PIK3R3: variants seen among roughly 807,000 people sequenced by gnomAD.
The protein encoded by PIK3R3 is phosphatidylinositol 3-kinase regulatory subunit gamma.
A neutral mutation model predicts 62.9 loss-of-function variants in PIK3R3; 64 were observed. That is an observed-to-expected ratio of 1.02 (90% CI 0.83 to 1.25). The LOEUF is 1.25. Ranked by LOEUF, PIK3R3 falls within the 50% of genes most tolerant of loss-of-function variation. The pLI is 0.00. For missense variants in PIK3R3, 614 were observed against 561.6 expected (o/e 1.09, Z -0.94); for synonymous variants, 165 against 189.0 (o/e 0.87, Z 1.04).
At chr1:46,112,912 TACC>T (rs775107275) in intron 1 of PIK3R3, among the ~76,000 whole-genome samples, 56 of 152,184 alleles carry the variant, frequency 3.7e-4, no homozygotes, top group Non-Finnish European at 7.1e-4. Context: ...TGGTTTATAC[TACC>T]ACCATCTACC....
At position 46,122,749 on chromosome 1, in the gene PIK3R3, A is replaced by AT. The variant is rs559196443; in HGVS notation, c.106+9097dup. On this transcript the variant is annotated intron_variant, in intron 1 of 9. Transcript: ENST00000262741. ...TCTTGCTAATAACATTAAGTATTGCATTTTTTTTCATTATTCCCTTTGTTA... is the reference window on the plus strand; with the variant it reads ...TCTTGCTAATAACATTAAGTATTGCATTTTTTTTTCATTATTCCCTTTGTTA... Among the ~76,000 whole-genome samples, 156 of 151,972 alleles carry AT rather than the reference A, an allele frequency of 1.0e-3. No individual in the cohort carries two copies. In the East Asian group the frequency reaches 0.014, roughly 13 times the overall value.
chr1:46,167,071 C>A, the PIK3R3 span, among the ~76,000 whole-genome samples: 2 of 152,258 alleles, frequency 1.3e-5, no homozygotes, highest in African/African-American at 4.8e-5. Flanking sequence ...GCTTCGCTCC[C>A]ACCCGCGCGC....
intron 7 of PIK3R3, among the ~76,000 whole-genome samples, chr1:46,055,266 G>A (rs774457075): frequency 2.0e-5 from 3 of 152,006 alleles, no homozygotes; most frequent in South Asian, 2.1e-4. Context: ...GTGCCACCAC[G>A]CCCAGCTAAT....
chr1:46,108,105 A>G (rs1420995341), intron 1 of PIK3R3, among the ~76,000 whole-genome samples: 1 of 152,164 alleles, frequency 6.6e-6, no homozygotes, highest in Non-Finnish European at 1.5e-5. Context: ...GCCCTAAACA[A>G]TCTCTTGAAT....
chr1:46,110,385 G>T (rs1398418155), intron 1 of PIK3R3, among the ~76,000 whole-genome samples: 1 of 149,180 alleles, frequency 6.7e-6, no homozygotes, highest in Non-Finnish European at 1.5e-5. Context: ...GCCTCCCAAA[G>T]TGCCGAGATT....
intron 1 of PIK3R3, among the ~76,000 whole-genome samples, chr1:46,101,808 T>C (rs937736078): frequency 3.3e-5 from 5 of 152,116 alleles, no homozygotes; most frequent in Non-Finnish European, 5.9e-5. Flanking sequence ...AGTTATTGCT[T>C]AATGGTTATA....
chr1:46,143,743 A>G, the PIK3R3 span, among the ~76,000 whole-genome samples: 62 of 152,276 alleles, frequency 4.1e-4, no homozygotes, highest in African/African-American at 1.5e-3. Context: ...TTGGCCTCCC[A>G]AAGTTCTGGG....
chr1:46,137,389 G>A (rs1041068642), upstream of PIK3R3, among the ~76,000 whole-genome samples: 6 of 152,220 alleles, frequency 3.9e-5, no homozygotes, highest in African/African-American at 1.4e-4. Flanking sequence ...CAAAAACAGT[G>A]CTGATCTCTA....
At chr1:46,139,423 A>T in the PIK3R3 span, among the ~76,000 whole-genome samples, 1 of 151,936 alleles carries the variant, frequency 6.6e-6, no homozygotes. Context: ...CTCCTGCCTC[A>T]GCCTCCTGAG....
chr1:46,153,403 TCA>T, the PIK3R3 span, among the ~76,000 whole-genome samples: 1 of 152,186 alleles, frequency 6.6e-6, no homozygotes, highest in Non-Finnish European at 1.5e-5. Context: ...TACTACTTGT[TCA>T]GCTTCTATAG....
chr1:46,044,174 C>G lies in PIK3R3; in HGVS notation c.1188-303G>C, dbSNP rs1367239191. ...CACTGCAGCCTTGAACTCCTGGGCT[C>G]AAGTGATCCTCCCACCACAGCTTCC... On this transcript the variant is annotated intron_variant, in intron 9 of 9. Transcript: ENST00000262741. The surrounding 1 kb of genome is among the most constrained non-coding windows in gnomAD (Gnocchi z 4.2). Among the ~76,000 whole-genome samples, 2 of 151,822 alleles carry G rather than the reference C, an allele frequency of 1.3e-5. No homozygotes were observed. The highest frequency in any genetic ancestry group is 4.8e-5 in the African/African-American group (2 of 41,308).
upstream of PIK3R3, among the ~76,000 whole-genome samples, chr1:46,135,822 G>C (rs1272215577): frequency 1.3e-5 from 2 of 152,000 alleles, no homozygotes; most frequent in African/African-American, 2.4e-5. Flanking sequence ...ACGAGGTCGG[G>C]AGTTTGAGAC....
At chr1:46,147,410 C>T in the PIK3R3 span, among the ~76,000 whole-genome samples, 1 of 150,376 alleles carries the variant, frequency 6.6e-6, no homozygotes, top group African/African-American at 2.4e-5. Context: ...CGGCCAGGAA[C>T]TCTGTTTTTG....
chr1:46,103,398 C>T (rs1207881536), intron 1 of PIK3R3, among the ~76,000 whole-genome samples: 1 of 151,898 alleles, frequency 6.6e-6, no homozygotes, highest in African/African-American at 2.4e-5. Flanking sequence ...GGTGAAACCC[C>T]GTCTTTACTA....
chr1:46,174,624 G>A, the PIK3R3 span, among the ~76,000 whole-genome samples: 9 of 152,130 alleles, frequency 5.9e-5, no homozygotes, highest in South Asian at 8.3e-4. Context: ...CAACATATTC[G>A]AGACAGAGTC....
chr1:46,077,023 T>C (rs1447365012), intron 3 of PIK3R3, among the ~76,000 whole-genome samples: 1 of 152,180 alleles, frequency 6.6e-6, no homozygotes, highest in South Asian at 2.1e-4. Flanking sequence ...TATGTGCAAA[T>C]ATTAAAAAAT....
At chr1:46,107,830 CT>C (rs1000422662) in intron 1 of PIK3R3, among the ~76,000 whole-genome samples, 4 of 152,104 alleles carry the variant, frequency 2.6e-5, no homozygotes, top group African/African-American at 7.2e-5. Context: ...TTTGAGTGTG[CT>C]TTTTTAACTA....
chr1:46,043,521 C>G lies in PIK3R3; in HGVS notation c.*152G>C, dbSNP rs541010119. 1.5e-5 allele frequency: 10 copies of G among 666,626 alleles called. No individual in the cohort carries two copies. In the African/African-American group the frequency reaches 1.8e-4, roughly 12 times the overall value. 41.3% of individuals were successfully genotyped at this position (666,626 alleles called of 1,614,324 possible). On this transcript the variant is annotated 3_prime_UTR_variant, in exon 10 of 10. Coordinates refer to ENST00000262741, the MANE Select transcript of PIK3R3 (RefSeq NM_003629.4). The stretch of plus-strand genomic sequence containing the variant: ...CCTCAGGCCTCTAATGCCCCCATCC[C>G]GGCCGGCTGCTGCTCGGCCTCTCCA...
chr1:46,138,911 AG>A, the PIK3R3 span: 54 of 152,370 alleles, frequency 3.5e-4, no homozygotes, highest in African/African-American at 1.3e-3. Flanking sequence ...CTTCTTGGAA[AG>A]GAGACATTCG....
Sources: allele counts gnomAD v4.1 joint callset (sites outside exome capture counted in the v4.1 genomes callset), GRCh38; gene constraint gnomAD v4.1.1; non-coding constraint Gnocchi (gnomAD v3.1); transcripts MANE v1.5; gene names NCBI Gene and HGNC (gene_info 2026-07-23, HGNC 2026-07-21).